TRPM3: variants seen among roughly 807,000 people sequenced by gnomAD.
TRPM3 encodes transient receptor potential cation channel subfamily M member 3.
Under a neutral mutation model 181.2 loss-of-function variants are expected in TRPM3, and 77 were observed. The observed-to-expected ratio is 0.42, with a 90% CI of 0.35 to 0.51. The LOEUF (loss-of-function observed/expected upper bound fraction) is 0.51. Among genes scored for constraint, TRPM3 ranks in the 20% least tolerant of loss-of-function variants. The pLI is 0.01. For synonymous variants in TRPM3, 745 were observed against 796.4 expected (o/e 0.94, Z 1.09); for missense variants, 1,759 against 2,196.7 (o/e 0.80, Z 3.98).
chr9:70,901,702 T>G (rs1239458670), intron 1 of TRPM3, among the ~76,000 whole-genome samples: 1 of 152,182 alleles, frequency 6.6e-6, no homozygotes, highest in African/African-American at 2.4e-5. Flanking sequence ...ATCAATTGAC[T>G]TTGAAAATTT....
At chr9:71,113,118 G>T (rs2071509607) in intron 1 of TRPM3, among the ~76,000 whole-genome samples, 1 of 152,100 alleles carries the variant, frequency 6.6e-6, no homozygotes, top group Non-Finnish European at 1.5e-5. Flanking sequence ...GCAGCCTCTT[G>T]GTCTTACTTG....
intron 1 of TRPM3, among the ~76,000 whole-genome samples, chr9:71,162,716 C>T (rs2076339815): frequency 6.6e-6 from 1 of 151,980 alleles, no homozygotes; most frequent in South Asian, 2.1e-4. Flanking sequence ...ATTTAATAAA[C>T]TTTCATTAGT....
rs190874116 is a variant in TRPM3, at chr9:70,793,682, T to C, written c.974-9403A>G. 445 of 470,218 alleles carry C rather than the reference T, an allele frequency of 9.5e-4. 6 individuals are homozygous for C. The highest frequency in any genetic ancestry group is 8.0e-3 in the African/African-American group (400 of 50,034). The allele number at this position is 470,218 out of a possible 1,614,324, so 29.1% of individuals were successfully genotyped here. ...ATCCTGAAGGTCCACATGAGCTGTT[T>C]TGTAACTATGAAAACCTGGCAGGAA... On this transcript the variant is annotated intron_variant, in intron 6 of 25. Coordinates refer to ENST00000677713, the MANE Select transcript of TRPM3 (RefSeq NM_001366145.2).
At position 70,596,295 on chromosome 9, in the gene TRPM3, C is replaced by G. The variant is rs75992603; in HGVS notation, c.3048+2124G>C. On this transcript the variant is annotated intron_variant, in intron 21 of 25. Transcript: ENST00000677713. ...TGAATTTGAATTCTTCCTCTCTTTG[C>G]ATGAGTTTGTTAGTGATTTTGTAAG... is the stretch of plus-strand genomic sequence containing the variant. Among the ~76,000 whole-genome samples the G allele has an allele frequency of 5.3e-3, 809 of 152,250 alleles. 8 individuals carry two copies. Among genetic ancestry groups the G allele is most frequent in the African/African-American group, 0.018 (754 of 41,534 alleles).
At chr9:71,083,238 T>C (rs568129484) in intron 1 of TRPM3, among the ~76,000 whole-genome samples, 2 of 152,106 alleles carry the variant, frequency 1.3e-5, no homozygotes, top group Non-Finnish European at 2.9e-5. Context: ...TAACTACCAT[T>C]TATTGAGTGC....
chr9:70,611,319 C>T (rs1303807179), intron 18 of TRPM3, among the ~76,000 whole-genome samples: 1 of 152,124 alleles, frequency 6.6e-6, no homozygotes, highest in African/African-American at 2.4e-5. Flanking sequence ...ATTGTAATCC[C>T]CACATGTCAA....
chr9:70,679,370 T>C (rs2064855293), intron 9 of TRPM3, among the ~76,000 whole-genome samples: 1 of 152,204 alleles, frequency 6.6e-6, no homozygotes, highest in Non-Finnish European at 1.5e-5. Context: ...ATGAATAAAT[T>C]CTAAGACTGA....
In TRPM3 at chr9:70,924,574, G is replaced by A. The variant is rs527497338; in HGVS notation, c.178-60063C>T. On this transcript the variant is annotated intron_variant, in intron 1 of 25. Transcript: ENST00000677713. ...ATGGATTCCTAGAAGTACAATGACT[G>A]AGTCAAACCAAATGAATGTTTTTAA... 3.9e-5 allele frequency among the ~76,000 whole-genome samples: 6 copies of A among 152,232 alleles called. No homozygotes were observed. The East Asian group carries it at 1.2e-3, about 29-fold the overall frequency.
intron 25 of TRPM3, 146 bp from the exon 26 acceptor site, chr9:70,537,551 G>C (rs1396948344): frequency 1.8e-6 from 1 of 568,312 alleles, no homozygotes; most frequent in Admixed American, 4.1e-5. Flanking sequence ...GGTTGGGGAG[G>C]AGAGAATGAC....
chr9:71,318,186 A>G (rs777042314), intron 1 of TRPM3, among the ~76,000 whole-genome samples: 197 of 152,216 alleles, frequency 1.3e-3, no homozygotes, highest in Non-Finnish European at 1.2e-3. Flanking sequence ...ATATTTAATC[A>G]TGATTGAATT....
intron 25 of TRPM3, among the ~76,000 whole-genome samples, chr9:70,543,013 C>G (rs1254556260): frequency 6.6e-6 from 1 of 152,112 alleles, no homozygotes; most frequent in Non-Finnish European, 1.5e-5. Context: ...TTAAACTTAA[C>G]TCAGTTAATG....
At chr9:71,015,784 T>C (rs560459535) in intron 1 of TRPM3, among the ~76,000 whole-genome samples, 130 of 152,240 alleles carry the variant, frequency 8.5e-4, no homozygotes, top group Middle Eastern at 3.4e-3. Flanking sequence ...TCATTAAAGA[T>C]TTTGGATAGA....
chr9:71,062,564 G>A (rs138955279), intron 1 of TRPM3, among the ~76,000 whole-genome samples: 1 of 152,158 alleles, frequency 6.6e-6, no homozygotes, highest in African/African-American at 2.4e-5. Flanking sequence ...AAATACTTTT[G>A]TTTCTTTGAG....
intron 1 of TRPM3, among the ~76,000 whole-genome samples, chr9:71,389,323 A>T (rs1292076421): frequency 1.3e-5 from 2 of 152,002 alleles, no homozygotes; most frequent in Non-Finnish European, 2.9e-5. Flanking sequence ...TAAAAAAAAA[A>T]ATCAAAAAAC....
intron 6 of TRPM3, among the ~76,000 whole-genome samples, chr9:70,791,809 C>A (rs4585803): frequency 0.11 from 16,137 of 152,204 alleles, 1,309 homozygotes; most frequent in East Asian, 0.4. Flanking sequence ...ATTAATATGG[C>A]AAACTGTATT....
rs71352367 is a variant in TRPM3, at chr9:71,289,875, CAAAAAAAAAAAA to C, written c.183+156766_183+156777del. Among the ~76,000 whole-genome samples the C allele has an allele frequency of 1.3e-4, 5 of 39,792 alleles. No homozygotes were observed. In the South Asian group the frequency reaches 6.3e-3, roughly 50 times the overall value. 26.1% of individuals were successfully genotyped at this position (39,792 alleles called of 152,430 possible). A position where few individuals can be genotyped will look rare whatever the true frequency, so the allele number is the denominator to read the frequency against. On this transcript the variant is annotated intron_variant, in intron 1 of 24. Transcript: ENST00000357533. ...TGGGTGACAGAGCAAGACTCTGTCT[CAAAAAAAAAAAA>C]AAAAAAAAAAAAAAGCTAGATAAGA...
chr9:71,045,989 C>CT (rs141410620), intron 1 of TRPM3, among the ~76,000 whole-genome samples: 28,842 of 145,142 alleles, frequency 0.2, 3,429 homozygotes, highest in Non-Finnish European at 0.27. Context: ...ATTGCCTACA[C>CT]TTTTTTTTTT....
chr9:71,254,879 A>C (rs547065551), intron 1 of TRPM3, among the ~76,000 whole-genome samples: 57 of 152,322 alleles, frequency 3.7e-4, no homozygotes, highest in African/African-American at 1.3e-3. Flanking sequence ...GAAAGAAGAC[A>C]AAGGGTCCCT....
intron 9 of TRPM3, among the ~76,000 whole-genome samples, chr9:70,650,872 C>T (rs1475688117): frequency 6.6e-6 from 1 of 152,148 alleles, no homozygotes; most frequent in Non-Finnish European, 1.5e-5. Context: ...CTACTCTTAC[C>T]TGAATTTTGG....
Sources: allele counts gnomAD v4.1 joint callset (sites outside exome capture counted in the v4.1 genomes callset), GRCh38; gene constraint gnomAD v4.1.1; transcripts MANE v1.5; gene names NCBI Gene and HGNC (gene_info 2026-07-23, HGNC 2026-07-21).